The following ATXN8OS variants were observed in gnomAD, a reference collection of about 807,000 sequenced individuals.
The protein encoded by ATXN8OS is ATXN8 opposite strand (non-protein coding).
chr13:70,160,999 G>A (rs2479947), intron 4 of ATXN8OS, among the ~76,000 whole-genome samples: 140,406 of 151,264 alleles, frequency 0.93, 65,718 homozygotes, highest in East Asian at 0.99. Flanking sequence ...ATGACATATC[G>A]AGACAAATCT....
intron 3 of ATXN8OS, among the ~76,000 whole-genome samples, chr13:70,142,096 C>CT (rs1380862266): frequency 6.6e-6 from 1 of 152,110 alleles, no homozygotes; most frequent in Non-Finnish European, 1.5e-5. Flanking sequence ...GTTGACCAGG[C>CT]TGGTCTCAAA....
intron 4 of ATXN8OS, among the ~76,000 whole-genome samples, chr13:70,167,500 G>A (rs930924756): frequency 1.2e-4 from 18 of 151,824 alleles, no homozygotes; most frequent in Non-Finnish European, 1.5e-4. Context: ...TCACACTCTG[G>A]GGACTGTTGT....
chr13:70,145,647 CTGTT>C (rs1208188056), intron 3 of ATXN8OS, among the ~76,000 whole-genome samples: 1 of 151,994 alleles, frequency 6.6e-6, no homozygotes, highest in Non-Finnish European at 1.5e-5. Flanking sequence ...ATTTGGCTCT[CTGTT>C]TGTCTGTTAT....
intron 4 of ATXN8OS, among the ~76,000 whole-genome samples, chr13:70,164,782 C>A (rs1450834687): frequency 6.6e-6 from 1 of 152,028 alleles, no homozygotes; most frequent in Non-Finnish European, 1.5e-5. Context: ...TATCCATCTT[C>A]TGGCCTTACC....
Position 70,138,060 on chromosome 13 carries a change from G to A in ATXN8OS, n.499+8176G>A, listed in dbSNP as rs112314267. Among the ~76,000 whole-genome samples, 1,482 of 152,238 alleles carry A rather than the reference G, an allele frequency of 9.7e-3. 19 individuals carry two copies. Among genetic ancestry groups the A allele is most frequent in the Non-Finnish European group, 0.012 (838 of 68,012 alleles). ...CACGAGAACAACATGGCGGAAATCC[G>A]CCCACGTGATCCAATCACTTTCCAC... is the stretch of plus-strand genomic sequence containing the variant. On this transcript the variant is annotated intron_variant and non_coding_transcript_variant, in intron 3 of 4. Coordinates refer to ENST00000678624, the Ensembl canonical transcript of ATXN8OS.
chr13:70,148,903 C>A (rs77805715), intron 4 of ATXN8OS, among the ~76,000 whole-genome samples: 458 of 152,226 alleles, frequency 3.0e-3, no homozygotes, highest in African/African-American at 9.9e-3. Context: ...TTTAGAATTT[C>A]TGTCTCAAAT....
chr13:70,117,127 C>G (rs1214074466), intron 2 of ATXN8OS, among the ~76,000 whole-genome samples: 1 of 151,956 alleles, frequency 6.6e-6, no homozygotes, highest in African/African-American at 2.4e-5. Context: ...TAATTTACGG[C>G]ATAAGGACTA....
At chr13:70,150,930 C>T (rs1593773619) in intron 4 of ATXN8OS, among the ~76,000 whole-genome samples, 1 of 151,954 alleles carries the variant, frequency 6.6e-6, no homozygotes, top group Non-Finnish European at 1.5e-5. Context: ...AAAGAAGGTT[C>T]GTGGCAAAGC....
chr13:70,122,481 T>C (rs1888373296), intron 2 of ATXN8OS, among the ~76,000 whole-genome samples: 2 of 151,990 alleles, frequency 1.3e-5, no homozygotes, highest in South Asian at 2.1e-4. Context: ...TGTCATTCAT[T>C]ATCTCCTGTC....
At chr13:70,160,838 T>C (rs1194263738) in intron 4 of ATXN8OS, among the ~76,000 whole-genome samples, 1 of 140,544 alleles carries the variant, frequency 7.1e-6, no homozygotes, top group African/African-American at 2.6e-5. Flanking sequence ...TTTATATATA[T>C]AAATATATTT....
At chr13:70,149,568 A>C (rs564725012) in intron 4 of ATXN8OS, among the ~76,000 whole-genome samples, 1 of 152,262 alleles carries the variant, frequency 6.6e-6, no homozygotes, top group Admixed American at 6.5e-5. Flanking sequence ...AGCTATAAAA[A>C]TGTTGATTTT....
intron 4 of ATXN8OS, among the ~76,000 whole-genome samples, chr13:70,163,402 C>G (rs1486555626): frequency 1.3e-5 from 2 of 151,464 alleles, no homozygotes; most frequent in Non-Finnish European, 3.0e-5. Flanking sequence ...TTCATTTTCC[C>G]ATATGTCCAC....
At chr13:70,138,550 G>C (rs2137489363) in intron 3 of ATXN8OS, among the ~76,000 whole-genome samples, 1 of 152,048 alleles carries the variant, frequency 6.6e-6, no homozygotes, top group Non-Finnish European at 1.5e-5. Flanking sequence ...AGGTGCTATA[G>C]ATTTATTAAT....
At chr13:70,110,601 CAG>C (rs1451537621) in intron 1 of ATXN8OS, among the ~76,000 whole-genome samples, 4 of 151,592 alleles carry the variant, frequency 2.6e-5, no homozygotes, top group African/African-American at 7.3e-5. Context: ...GAGGGAAAGA[CAG>C]AGACAGGAAA....
intron 1 of ATXN8OS, among the ~76,000 whole-genome samples, chr13:70,114,117 G>T: frequency 6.6e-6 from 1 of 152,148 alleles, no homozygotes; most frequent in South Asian, 2.1e-4. Context: ...AAGTAAATTG[G>T]CTTCCAAAAT....
chr13:70,107,560 T>C (rs1360797233), upstream of ATXN8OS: 1 of 1,607,214 alleles, frequency 6.2e-7, no homozygotes, highest in Non-Finnish European at 8.5e-7. Context: ...TCCCCAGTGC[T>C]CAAAGCTGCC....
chr13:70,145,974 C>A (rs1388056936), intron 3 of ATXN8OS, among the ~76,000 whole-genome samples: 2 of 144,430 alleles, frequency 1.4e-5, no homozygotes, highest in African/African-American at 2.6e-5. Context: ...AGTGAACAGG[C>A]AACCTACAAA....
intron 4 of ATXN8OS, among the ~76,000 whole-genome samples, chr13:70,164,046 G>GTTT (rs1306755966): frequency 9.6e-6 from 1 of 104,676 alleles, no homozygotes; most frequent in African/African-American, 3.8e-5. Context: ...TAAGCTGGAA[G>GTTT]TTTTTATTCT....
chr13:70,136,120 C>A (rs1888610028), intron 3 of ATXN8OS, among the ~76,000 whole-genome samples: 1 of 152,132 alleles, frequency 6.6e-6, no homozygotes, highest in Admixed American at 6.6e-5. Flanking sequence ...AGAGGCATTT[C>A]TTTTGCGGGG....
Sources: gnomAD v4.1 joint callset for allele counts (sites outside exome capture counted in the v4.1 genomes callset) on GRCh38, gnomAD v4.1.1 for gene constraint, MANE v1.5 for transcripts, NCBI Gene and HGNC (gene_info 2026-07-23, HGNC 2026-07-21) for gene names.